CCDC141: variants seen among roughly 807,000 people sequenced by gnomAD.
The protein encoded by CCDC141 is coiled-coil domain-containing protein 141.
Under a neutral mutation model 181.0 loss-of-function variants are expected in CCDC141, and 168 were observed. The ratio of observed to expected loss-of-function variants is 0.93; its 90% CI spans 0.82 to 1.05. The LOEUF is 1.05. Ranked by LOEUF, CCDC141 falls within the 50% of genes least tolerant of loss-of-function variation. The probability of loss-of-function intolerance (pLI) is 0.00; values close to 1 mark genes in which losing one functional copy is unlikely to be tolerated. For synonymous variants in CCDC141, 666 were observed against 642.3 expected, an observed-to-expected ratio of 1.04 and a Z score of -0.56; for missense variants, 1,902 against 1,788.5, an observed-to-expected ratio of 1.06 and a Z score of -1.14.
chr2:178,890,738 C>T (rs1348844605), intron 8 of CCDC141, among the ~76,000 whole-genome samples: 3 of 152,234 alleles, frequency 2.0e-5, no homozygotes, highest in Admixed American at 6.5e-5. Flanking sequence ...TCCTCTTTGG[C>T]CATTTGAATA....
intron 6 of CCDC141, among the ~76,000 whole-genome samples, chr2:178,925,883 T>C (rs1470430335): frequency 6.6e-6 from 1 of 152,160 alleles, no homozygotes; most frequent in Non-Finnish European, 1.5e-5. Context: ...CATTTCAGGA[T>C]CTCAACACAT....
In CCDC141 at chr2:179,016,632, G is replaced by T. The variant is rs138954912; in HGVS notation, c.225+30652C>A. Among the ~76,000 whole-genome samples, 253 of 152,254 alleles carry T rather than the reference G, an allele frequency of 1.7e-3. 1 individual carries two copies. Among genetic ancestry groups the T allele is most frequent in the African/African-American group, 5.7e-3 (239 of 41,574 alleles). On this transcript the variant is annotated intron_variant, in intron 2 of 23. Transcript: ENST00000443758. ...AGAGTATGCTTTTACTAACTATTGA[G>T]TGAACTGATAAGTGGTAGGAATGAC...
intron 5 of CCDC141, among the ~76,000 whole-genome samples, chr2:178,950,604 G>A (rs963470429): frequency 2.6e-5 from 4 of 152,142 alleles, no homozygotes; most frequent in Non-Finnish European, 5.9e-5. Flanking sequence ...GACTGATCTA[G>A]TTATTGGCCT....
At chr2:178,823,959 C>T in the CCDC141 span, among the ~76,000 whole-genome samples, 2 of 152,042 alleles carry the variant, frequency 1.3e-5, no homozygotes, top group Non-Finnish European at 2.9e-5. Flanking sequence ...GCTAATGGCA[C>T]TGGCGCCATT....
chr2:179,043,911 T>A (rs1291773129), intron 2 of CCDC141, among the ~76,000 whole-genome samples: 1 of 152,184 alleles, frequency 6.6e-6, no homozygotes. Flanking sequence ...AAAATCCCAC[T>A]GTCTCAGCCC....
At chr2:178,867,894 A>T (rs1186792920) in intron 16 of CCDC141, 132 bp downstream of exon 16, 2 of 707,500 alleles carry the variant, frequency 2.8e-6, no homozygotes, top group East Asian at 5.4e-5. Context: ...AATGAATCAC[A>T]AATAACTACC....
At chr2:179,044,236 G>A (rs1426324007) in intron 2 of CCDC141, among the ~76,000 whole-genome samples, 1 of 152,128 alleles carries the variant, frequency 6.6e-6, no homozygotes, top group East Asian at 1.9e-4. Flanking sequence ...GCTGCCCAAA[G>A]CAATTTATAG....
At chr2:178,914,790 C>G (rs1335215745) in intron 7 of CCDC141, among the ~76,000 whole-genome samples, 1 of 151,990 alleles carries the variant, frequency 6.6e-6, no homozygotes. Flanking sequence ...GGTAATTATT[C>G]TCATGAATTC....
chr2:179,042,532 G>C (rs1040578572), intron 2 of CCDC141, among the ~76,000 whole-genome samples: 1 of 152,084 alleles, frequency 6.6e-6, no homozygotes, highest in Non-Finnish European at 1.5e-5. Context: ...ATTTTTAATA[G>C]AGACAAGGTT....
At chr2:178,862,374 G>A (rs1021584746) in intron 17 of CCDC141, among the ~76,000 whole-genome samples, 1 of 152,118 alleles carries the variant, frequency 6.6e-6, no homozygotes, top group East Asian at 1.9e-4. Flanking sequence ...TATGAGCCTC[G>A]AGTTACAAAT....
chr2:178,886,311 G>C (rs1042443140), intron 10 of CCDC141, among the ~76,000 whole-genome samples: 2 of 152,052 alleles, frequency 1.3e-5, no homozygotes, highest in Non-Finnish European at 2.9e-5. Flanking sequence ...TTCTGTCTCT[G>C]AATGTTAGGT....
intron 2 of CCDC141, among the ~76,000 whole-genome samples, chr2:178,993,723 G>C (rs4334529): frequency 0.11 from 17,464 of 152,192 alleles, 1,173 homozygotes; most frequent in African/African-American, 0.17. Flanking sequence ...AAGACAAGGT[G>C]AGTCCCTTCT....
chr2:179,042,186 A>G lies in CCDC141; in HGVS notation c.225+5098T>C, dbSNP rs549175989. On this transcript the variant is annotated intron_variant, in intron 2 of 23. Coordinates refer to ENST00000443758, the MANE Select transcript of CCDC141 (RefSeq NM_173648.4). ...ATTGAAGTAAAACACTCCTCAGCCA[A>G]TGCAAAAGAAGTGAAATCATAACAG... Among the ~76,000 whole-genome samples, 190 of 152,340 alleles carry G rather than the reference A, an allele frequency of 1.2e-3. 2 individuals are homozygous for G. Among genetic ancestry groups the G allele is most frequent in the African/African-American group, 4.4e-3 (181 of 41,580 alleles).
intron 11 of CCDC141, among the ~76,000 whole-genome samples, chr2:178,883,414 T>C (rs1057100194): frequency 6.6e-6 from 1 of 150,450 alleles, no homozygotes; most frequent in Admixed American, 6.6e-5. Context: ...TCCACAAAAA[T>C]CAAAAATTAA....
the CCDC141 span, among the ~76,000 whole-genome samples, chr2:178,820,738 G>T: frequency 0.018 from 2,803 of 152,092 alleles, 81 homozygotes; most frequent in African/African-American, 0.057. Flanking sequence ...ATTTCAAAAG[G>T]GATCATAATA....
chr2:178,971,635 G>A (rs1022779360), intron 4 of CCDC141, among the ~76,000 whole-genome samples: 4 of 152,174 alleles, frequency 2.6e-5, no homozygotes, highest in South Asian at 2.1e-4. Flanking sequence ...TGTTTATTGC[G>A]GTACTATTCA....
chr2:178,947,316 T>C (rs1339083282), intron 5 of CCDC141, among the ~76,000 whole-genome samples: 1 of 152,162 alleles, frequency 6.6e-6, no homozygotes. Flanking sequence ...AGGACATTTA[T>C]GTAGAACATG....
intron 6 of CCDC141, among the ~76,000 whole-genome samples, chr2:178,920,416 G>C (rs912649040): frequency 3.9e-5 from 6 of 152,062 alleles, no homozygotes; most frequent in Non-Finnish European, 8.8e-5. Context: ...CAGATGCCTT[G>C]GGGAATATAA....
intron 9 of CCDC141, 43 bp downstream of exon 9, chr2:178,888,484 T>A (rs1686991645): frequency 6.5e-7 from 1 of 1,534,782 alleles, no homozygotes; most frequent in Non-Finnish European, 8.8e-7. Flanking sequence ...ATATCATCTA[T>A]TATCACCAAC....
Sources: allele counts gnomAD v4.1 joint callset (sites outside exome capture counted in the v4.1 genomes callset), GRCh38; gene constraint gnomAD v4.1.1; transcripts MANE v1.5; gene names NCBI Gene and HGNC (gene_info 2026-07-23, HGNC 2026-07-21).